Variants in BEND6 observed in about 807,000 individuals in gnomAD.
BEND6 encodes the protein BEN domain-containing protein 6.
A neutral mutation model predicts 31.8 loss-of-function variants in BEND6; 24 were observed. That is an observed-to-expected ratio of 0.75 (90% confidence interval 0.55 to 1.06). The LOEUF (loss-of-function observed/expected upper bound fraction) is 1.06, where lower values mean the gene tolerates loss of function less well. BEND6 is among the 50% of genes least tolerant of loss of function. BEND6 has a pLI of 0.00. For synonymous variants in BEND6, 109 were observed against 114.6 expected, an observed-to-expected ratio of 0.95 and a Z score of 0.31; for missense variants, 294 against 327.4, an observed-to-expected ratio of 0.90 and a Z score of 0.79.
chr6:56,972,633 A>G (rs1467403192), intron 1 of BEND6, among the ~76,000 whole-genome samples: 2 of 152,212 alleles, frequency 1.3e-5, no homozygotes, highest in Non-Finnish European at 2.9e-5. Context: ...TCAGATAAAA[A>G]GAAGATGTAT....
At chr6:57,014,551 CA>C in intron 3 of BEND6, 1 of 1,456,870 alleles carries the variant, frequency 6.9e-7, no homozygotes, top group Non-Finnish European at 9.2e-7. Flanking sequence ...AAAAAAGGAA[CA>C]AAGAAAATAT....
intron 3 of BEND6, among the ~76,000 whole-genome samples, chr6:57,011,747 A>AAAAGAAAAGAAAAAGAAAGAAAG: frequency 6.8e-6 from 1 of 147,762 alleles, no homozygotes; most frequent in East Asian, 2.0e-4. Context: ...AAAAAAAAAG[A>AAAAGAAAAGAAAAAGAAAGAAAG]AAAGAAAAGA....
intron 6 of BEND6, among the ~76,000 whole-genome samples, chr6:57,020,160 T>C (rs2127894248): frequency 6.6e-6 from 1 of 152,334 alleles, no homozygotes; most frequent in African/African-American, 2.4e-5. Flanking sequence ...TTTCAGTAGA[T>C]TGTGACCTCA....
chr6:57,016,273 T>C (rs992351126), intron 4 of BEND6, among the ~76,000 whole-genome samples: 1 of 152,212 alleles, frequency 6.6e-6, no homozygotes, highest in Non-Finnish European at 1.5e-5. Context: ...AATCTGACAT[T>C]CAAAATATTT....
chr6:57,005,403 C>T (rs1271819653), intron 3 of BEND6, among the ~76,000 whole-genome samples: 1 of 152,064 alleles, frequency 6.6e-6, no homozygotes, highest in East Asian at 1.9e-4. Flanking sequence ...GGGCCACGCG[C>T]AGTGGTCCAT....
At chr6:57,024,039 C>T (rs371997266) in intron 6 of BEND6, among the ~76,000 whole-genome samples, 125 of 152,198 alleles carry the variant, frequency 8.2e-4, no homozygotes, top group African/African-American at 2.8e-3. Flanking sequence ...TAAAAGATGA[C>T]GATTTTTATT....
At chr6:57,023,826 T>G (rs1426460019) in intron 6 of BEND6, among the ~76,000 whole-genome samples, 1 of 152,236 alleles carries the variant, frequency 6.6e-6, no homozygotes, top group Non-Finnish European at 1.5e-5. Flanking sequence ...TGATCAGGAC[T>G]TACTACTGCT....
chr6:57,023,980 T>C (rs957134165), intron 6 of BEND6, among the ~76,000 whole-genome samples: 1 of 152,236 alleles, frequency 6.6e-6, no homozygotes, highest in African/African-American at 2.4e-5. Context: ...GGTTTTTGCA[T>C]TGTGGTTACT....
chr6:57,018,318 A>C (rs779915961), intron 5 of BEND6, 103 bp from the exon 6 acceptor site: 3 of 1,310,730 alleles, frequency 2.3e-6, no homozygotes, highest in Non-Finnish European at 3.0e-6. Context: ...GTAAAATGGA[A>C]AAAAAATTAT....
intron 1 of BEND6, among the ~76,000 whole-genome samples, chr6:56,959,338 T>C (rs1044526646): frequency 1.6e-4 from 25 of 152,240 alleles, no homozygotes; most frequent in Admixed American, 3.9e-4. Context: ...TCTTGGAATG[T>C]AGCCTAGGTT....
intron 3 of BEND6, among the ~76,000 whole-genome samples, chr6:57,006,242 G>A (rs1827153124): frequency 6.6e-6 from 1 of 152,224 alleles, no homozygotes; most frequent in Non-Finnish European, 1.5e-5. Context: ...CACATAGCAA[G>A]TATTTGCTGT....
At chr6:56,979,058 A>C (rs936885306) in intron 1 of BEND6, among the ~76,000 whole-genome samples, 1 of 152,184 alleles carries the variant, frequency 6.6e-6, no homozygotes, top group Non-Finnish European at 1.5e-5. Flanking sequence ...CAGATTTGCA[A>C]TGGATATATT....
At chr6:56,964,949 C>T (rs1311484044) in intron 1 of BEND6, among the ~76,000 whole-genome samples, 1 of 152,202 alleles carries the variant, frequency 6.6e-6, no homozygotes, top group African/African-American at 2.4e-5. Flanking sequence ...CTTCTTTGAT[C>T]AACACTTGCA....
intron 1 of BEND6, among the ~76,000 whole-genome samples, chr6:56,964,129 A>G (rs533454245): frequency 6.6e-6 from 1 of 151,370 alleles, no homozygotes; most frequent in Non-Finnish European, 1.5e-5. Flanking sequence ...AGATGGAGAG[A>G]CAGAAGCACA....
At chr6:56,968,789 G>T (rs1282011573) in intron 1 of BEND6, among the ~76,000 whole-genome samples, 1 of 152,026 alleles carries the variant, frequency 6.6e-6, no homozygotes. Context: ...GAAAATGAAG[G>T]AAGTGGCCAG....
intron 2 of BEND6, among the ~76,000 whole-genome samples, chr6:56,982,938 C>T (rs1193726020): frequency 6.6e-6 from 1 of 152,086 alleles, no homozygotes; most frequent in East Asian, 1.9e-4. Context: ...CATTATTATA[C>T]AGAGAGCTTT....
intron 2 of BEND6, among the ~76,000 whole-genome samples, chr6:56,982,435 A>G (rs2127853417): frequency 6.6e-6 from 1 of 152,266 alleles, no homozygotes; most frequent in African/African-American, 2.4e-5. Context: ...TTTGTGGCCC[A>G]TCCTTATCAC....
intron 6 of BEND6, among the ~76,000 whole-genome samples, chr6:57,019,672 C>G (rs1827676241): frequency 6.6e-6 from 1 of 152,186 alleles, no homozygotes; most frequent in African/African-American, 2.4e-5. Context: ...AAGACCAGCT[C>G]TGCCGAGAGT....
chr6:56,979,302 A>C (rs1013619541), intron 1 of BEND6, among the ~76,000 whole-genome samples: 1 of 152,238 alleles, frequency 6.6e-6, no homozygotes, highest in Non-Finnish European at 1.5e-5. Flanking sequence ...AACTAAAATT[A>C]TAAGCTCATT....
Sources: allele counts gnomAD v4.1 joint callset (sites outside exome capture counted in the v4.1 genomes callset), GRCh38; gene constraint gnomAD v4.1.1; transcripts MANE v1.5; gene names NCBI Gene and HGNC (gene_info 2026-07-23, HGNC 2026-07-21).